The following DNAH6 variants were observed in gnomAD, a reference collection of about 807,000 sequenced individuals.
DNAH6 encodes the protein axonemal beta dynein heavy chain 6.
DNAH6 carries 340 observed loss-of-function variants against 491.4 expected under a neutral mutation model. That is an observed-to-expected ratio of 0.69 (90% CI 0.63 to 0.76). DNAH6 has a LOEUF of 0.76. DNAH6 is among the 30% of genes least tolerant of loss of function. The probability of loss-of-function intolerance (pLI) is 0.00; values close to 1 mark genes in which losing one functional copy is unlikely to be tolerated. For synonymous variants in DNAH6, 1,603 were observed against 1,686.1 expected (o/e 0.95, Z 1.21); for missense variants, 4,443 against 4,972.2 (o/e 0.89, Z 3.20).
chr2:84,709,210 C>T (rs988111845), intron 54 of DNAH6, 133 bp from the exon 55 acceptor site: 5 of 870,656 alleles, frequency 5.7e-6, no homozygotes, highest in Non-Finnish European at 8.9e-6. Flanking sequence ...TGCTCTGATG[C>T]AAGCACATCT....
chr2:84,571,065 C>T (rs1681798392), intron 11 of DNAH6, among the ~76,000 whole-genome samples: 1 of 152,126 alleles, frequency 6.6e-6, no homozygotes, highest in Non-Finnish European at 1.5e-5. Context: ...CACGCTGGGA[C>T]AATTTGATCA....
chr2:84,639,725 G>A (rs901462401), intron 31 of DNAH6, among the ~76,000 whole-genome samples: 27 of 152,056 alleles, frequency 1.8e-4, no homozygotes, highest in African/African-American at 6.5e-4. Context: ...TGGCCTGTTA[G>A]TAAATATTTT....
intron 29 of DNAH6, among the ~76,000 whole-genome samples, chr2:84,627,234 C>G (rs1002447197): frequency 6.6e-6 from 1 of 152,332 alleles, no homozygotes; most frequent in Middle Eastern, 3.4e-3. Flanking sequence ...CTGATGCACA[C>G]TCAGATTTCA....
At position 84,819,466 on chromosome 2, in the gene DNAH6, C is replaced by G. The variant is rs751999003; in HGVS notation, c.*58C>G. On this transcript the variant is annotated 3_prime_UTR_variant, in exon 77 of 77. Transcript: ENST00000389394. Reference sequence around the variant, plus strand: ...GGCCAGAGATCTTTCCTAATGGGAGCAAAAGGTTTGAATAATTTATATGTG... The same window carrying G: ...GGCCAGAGATCTTTCCTAATGGGAGGAAAAGGTTTGAATAATTTATATGTG... 6.1e-6 allele frequency: 7 copies of G among 1,144,654 alleles called. No individual in the cohort carries two copies. Among genetic ancestry groups the G allele is most frequent in the African/African-American group, 1.6e-5 (1 of 63,240 alleles). 70.9% of individuals were successfully genotyped at this position (1,144,654 alleles called of 1,614,324 possible). A position where few individuals can be genotyped will look rare whatever the true frequency, so the allele number is the denominator to read the frequency against.
At chr2:84,466,147 C>T in the DNAH6 span, among the ~76,000 whole-genome samples, 147,039 of 152,290 alleles carry the variant, frequency 0.97, 71,034 homozygotes, top group East Asian at 1. Flanking sequence ...CATTCTTTAC[C>T]TACCGTTATT....
At chr2:84,474,116 T>C in the DNAH6 span, among the ~76,000 whole-genome samples, 1 of 152,172 alleles carries the variant, frequency 6.6e-6, no homozygotes, top group Non-Finnish European at 1.5e-5. Flanking sequence ...ATCCTTTAGA[T>C]CTATCACTAT....
chr2:84,539,075 G>A (rs1351120374), intron 4 of DNAH6, among the ~76,000 whole-genome samples: 1 of 151,998 alleles, frequency 6.6e-6, no homozygotes, highest in East Asian at 1.9e-4. Context: ...CTAACACAGT[G>A]GCAGTTTTCT....
chr2:84,573,304 T>C (rs2103945582), intron 11 of DNAH6, among the ~76,000 whole-genome samples, 163 bp from the exon 12 acceptor site: 1 of 152,330 alleles, frequency 6.6e-6, no homozygotes, highest in East Asian at 1.9e-4. Context: ...CAATTACTCC[T>C]CGACATCAAG....
Position 84,519,531 on chromosome 2 carries a change from T to C in DNAH6, c.225+1480T>C, listed in dbSNP as rs1414946042. 2.6e-5 allele frequency among the ~76,000 whole-genome samples: 4 copies of C among 152,074 alleles called. No individual in the cohort carries two copies. The South Asian group carries it at 6.2e-4, about 24-fold the overall frequency. On this transcript the variant is annotated intron_variant, in intron 2 of 76. Coordinates refer to ENST00000389394, the MANE Select transcript of DNAH6 (RefSeq NM_001370.2). ...TGCAGTTTGACTTCTTTTTATAGAG[T>C]TGGTAAGAATGTATTTTTGTTATTG...
the DNAH6 span, among the ~76,000 whole-genome samples, chr2:84,495,208 A>G: frequency 6.6e-6 from 1 of 152,214 alleles, no homozygotes; most frequent in Non-Finnish European, 1.5e-5. Flanking sequence ...TCTGTTGCCC[A>G]GTCTGGAATG....
At chr2:84,530,135 A>C (rs887375176) in intron 4 of DNAH6, among the ~76,000 whole-genome samples, 2 of 152,198 alleles carry the variant, frequency 1.3e-5, no homozygotes, top group Non-Finnish European at 2.9e-5. Flanking sequence ...TAAACCATCC[A>C]TATCAAAATT....
the DNAH6 span, among the ~76,000 whole-genome samples, chr2:84,511,422 A>G: frequency 7.3e-6 from 1 of 137,708 alleles, no homozygotes; most frequent in Non-Finnish European, 1.5e-5. Context: ...ACTGTTGGAA[A>G]AGCACAGTAT....
chr2:84,504,595 C>G, the DNAH6 span, among the ~76,000 whole-genome samples: 3 of 152,258 alleles, frequency 2.0e-5, no homozygotes, highest in South Asian at 4.1e-4. Flanking sequence ...GTGTTGTAAT[C>G]TAAGCTGTGT....
At chr2:84,813,213 T>C in intron 74 of DNAH6, 83 bp downstream of exon 74, 2 of 955,338 alleles carry the variant, frequency 2.1e-6, no homozygotes, top group Non-Finnish European at 3.3e-6. Flanking sequence ...GGAAATGACA[T>C]GGCTGCTAAT....
chr2:84,730,182 C>T (rs1699008897), intron 61 of DNAH6, among the ~76,000 whole-genome samples: 1 of 152,118 alleles, frequency 6.6e-6, no homozygotes, highest in Non-Finnish European at 1.5e-5. Context: ...GTGGCAACAA[C>T]AACAAAAGGT....
Position 84,737,971 on chromosome 2 carries a change from C to T in DNAH6, c.10342+4392C>T, listed in dbSNP as rs115532077. ...CTTCTCGATGTCATTTCTAACTTCT[C>T]GATGTAGTTTTTCAGTGCTATAAAC... On this transcript the variant is annotated intron_variant, in intron 62 of 76. Coordinates refer to ENST00000389394, the MANE Select transcript of DNAH6 (RefSeq NM_001370.2). Among the ~76,000 whole-genome samples the T allele has an allele frequency of 6.2e-3, 939 of 152,040 alleles. 6 individuals are homozygous for T. The highest frequency in any genetic ancestry group is 0.011 in the Non-Finnish European group (729 of 67,858).
chr2:84,716,388 G>A (rs1016619061), intron 58 of DNAH6, among the ~76,000 whole-genome samples: 6 of 151,576 alleles, frequency 4.0e-5, no homozygotes, highest in African/African-American at 1.2e-4. Context: ...ACATATGTAT[G>A]TATATAGGAA....
rs60410793 is a variant in DNAH6, at chr2:84,574,582, G to A, written c.1924+995G>A. Among the ~76,000 whole-genome samples, 1,149 of 152,104 alleles carry A rather than the reference G, an allele frequency of 7.6e-3. 12 individuals are homozygous for A. Among genetic ancestry groups the A allele is most frequent in the African/African-American group, 0.025 (1,051 of 41,492 alleles). On this transcript the variant is annotated intron_variant, in intron 12 of 76. Transcript: ENST00000389394. ...CTCCTTTTTTTCAAGATACTAAGTCGTTAGACCAAAATGTGGCCCCAATTT... is the reference window on the plus strand; with the variant it reads ...CTCCTTTTTTTCAAGATACTAAGTCATTAGACCAAAATGTGGCCCCAATTT...
intron 62 of DNAH6, among the ~76,000 whole-genome samples, chr2:84,736,124 A>G (rs1699521596): frequency 6.6e-6 from 1 of 152,028 alleles, no homozygotes; most frequent in Non-Finnish European, 1.5e-5. Context: ...TTCTTTCCAC[A>G]TTATTTTTAT....
Sources: gnomAD v4.1 joint callset for allele counts (sites outside exome capture counted in the v4.1 genomes callset) on GRCh38, gnomAD v4.1.1 for gene constraint, MANE v1.5 for transcripts, NCBI Gene and HGNC (gene_info 2026-07-23, HGNC 2026-07-21) for gene names.